IARS1: variants seen among roughly 807,000 people sequenced by gnomAD.
IARS1 encodes the protein isoleucyl-tRNA synthetase 1, also known as isoleucine--tRNA ligase, cytoplasmic.
IARS1 carries 124 observed loss-of-function variants against 168.2 expected under a neutral mutation model. The ratio of observed to expected loss-of-function variants is 0.74; its 90% CI spans 0.64 to 0.86. The LOEUF (loss-of-function observed/expected upper bound fraction) is 0.86, where lower values mean the gene tolerates loss of function less well. Ranked by LOEUF, IARS1 falls within the 40% of genes least tolerant of loss-of-function variation. IARS1 has a pLI of 0.00. For missense variants in IARS1, 1,452 were observed against 1,515.8 expected (o/e 0.96, Z 0.70); for synonymous variants, 532 against 529.4 (o/e 1.00, Z -0.07).
In IARS1 at chr9:92,260,177, G is replaced by C; in HGVS notation, c.1845C>G (p.Ile615Met). 6.2e-7 allele frequency: 1 copy of C among 1,614,046 alleles called. No homozygotes were observed. The highest frequency in any genetic ancestry group is 2.2e-5 in the East Asian group (1 of 44,878). ...KKNYPDPVSI[I>M]QKYGADALRL... ...TGAGGGCATCAGCACCATACTTCTG[G>C]ATGATGGAAACTGGATCTGGATAAT... The change falls in exon 18 of 34, where the codon ATC becomes ATG. Residue 615 changes from isoleucine (I) to methionine (M), a missense_variant. By Grantham distance (10) the Ile-to-Met change is conservative. Transcript: ENST00000443024.
chr9:92,265,581 A>C (rs1226597724), intron 14 of IARS1, 28 bp from the exon 15 acceptor site: 1 of 1,538,492 alleles, frequency 6.5e-7, no homozygotes, highest in East Asian at 2.2e-5. Context: ...CAATAGCAGG[A>C]GCTCCTTAGA....
rs117901526 is a variant in IARS1, at chr9:92,277,006, A to G, written c.894+857T>C. Among the ~76,000 whole-genome samples the G allele has an allele frequency of 4.7e-4, 72 of 152,320 alleles. No homozygotes were observed. In the East Asian group the frequency reaches 9.4e-3, roughly 20 times the overall value. On this transcript the variant is annotated intron_variant, in intron 9 of 33. Coordinates refer to ENST00000443024, the MANE Select transcript of IARS1 (RefSeq NM_002161.6). ...ACCTCCTTGAAATAAAATTGTGTTT[A>G]CCTTTCCACATGATGTTTTACTGTG...
rs749370371 is a variant in IARS1 at position 92,277,909 on chromosome 9, T to G, written c.848A>C (p.Tyr283Ser). 7 of 1,613,844 alleles carry G rather than the reference T, an allele frequency of 4.3e-6. No homozygotes were observed. Among genetic ancestry groups the G allele is most frequent in the Non-Finnish European group, 4.2e-6 (5 of 1,179,854 alleles). The change falls in exon 9 of 34, where the codon TAT (tyrosine) becomes TCT (serine). Residue 283 changes from tyrosine to serine, a missense_variant. Coordinates refer to ENST00000443024, the MANE Select transcript of IARS1 (RefSeq NM_002161.6). ...YEILERFPGAYLKGKKYRPLF... is the reference protein window; with the variant it reads ...YEILERFPGASLKGKKYRPLF... The stretch of plus-strand genomic sequence containing the variant: ...GGGCCTGTACTTCTTGCCTTTAAGA[T>G]AGGCACCAGGAAATCTAGAAAAGGA...
In IARS1 at chr9:92,263,045, G is replaced by C; in HGVS notation, c.1711C>G (p.Leu571Val). The C allele has an allele frequency of 6.2e-7, 1 of 1,613,544 alleles. No individual in the cohort carries two copies. Among genetic ancestry groups the C allele is most frequent in the Non-Finnish European group, 8.5e-7 (1 of 1,179,554 alleles). ...AAGAGGGCCGTGGCCAGCACCAGCA[G>C]GGTATAAAACCTGAAAAAAAACCCC... ...IDQTRGWFYT[L>V]LVLATALFGQ... is the part of the protein sequence containing the mutation. The change falls in exon 17 of 34, where the codon CTG becomes GTG. Residue 571 changes from leucine to valine, a missense_variant. Coordinates refer to ENST00000443024, the MANE Select transcript of IARS1 (RefSeq NM_002161.6).
At chr9:92,240,396 T>C (rs1828198864) in intron 30 of IARS1, 1 of 391,006 alleles carries the variant, frequency 2.6e-6, no homozygotes, top group Admixed American at 4.2e-5. Flanking sequence ...CCTGAGTAGC[T>C]GGGATTATAG....
At chr9:92,274,884 A>G (rs948111023) in intron 9 of IARS1, among the ~76,000 whole-genome samples, 6 of 151,960 alleles carry the variant, frequency 3.9e-5, no homozygotes, top group African/African-American at 1.4e-4. Flanking sequence ...TTCCTGGTAC[A>G]TTTTCAATCA....
chr9:92,290,629 T>C (rs10739928), intron 1 of IARS1, among the ~76,000 whole-genome samples: 60,553 of 151,958 alleles, frequency 0.4, 14,108 homozygotes, highest in African/African-American at 0.64. Context: ...AGGTTATAGA[T>C]TTTTCGCTTA....
chr9:92,266,857 C>T (rs947421993), intron 14 of IARS1, among the ~76,000 whole-genome samples: 10 of 152,232 alleles, frequency 6.6e-5, no homozygotes, highest in African/African-American at 2.4e-4. Flanking sequence ...ACTTTCCAGT[C>T]ATGCAGAATC....
chr9:92,228,529 T>C (rs143871669), intron 31 of IARS1, among the ~76,000 whole-genome samples: 1 of 152,008 alleles, frequency 6.6e-6, no homozygotes, highest in East Asian at 1.9e-4. Context: ...CTGGGCAATA[T>C]ACTGACTTGG....
chr9:92,252,055 C>T (rs1198733019), intron 21 of IARS1, among the ~76,000 whole-genome samples, 170 bp from the exon 22 acceptor site: 4 of 152,204 alleles, frequency 2.6e-5, no homozygotes, highest in African/African-American at 9.6e-5. Flanking sequence ...ACGGTCAGTG[C>T]CACCAGGGTG....
rs747772656 is a variant in IARS1 at position 92,223,396 on chromosome 9, G to T, written c.3503C>A (p.Thr1168Asn). 2.5e-6 allele frequency: 4 copies of T among 1,613,966 alleles called. No homozygotes were observed. The East Asian group carries it at 8.9e-5, about 36-fold the overall frequency. ...SAPSLINSSS[T>N]LLCQYINLQL... Reference sequence around the variant, plus strand: ...TAGGTTGATATACTGACAAAGAAGAGTACTAGAACTGTTGATCAGAGAGGG... The same window carrying T: ...TAGGTTGATATACTGACAAAGAAGATTACTAGAACTGTTGATCAGAGAGGG... Residue 1168 changes from threonine (T) to asparagine (N), a missense_variant, in exon 32 of 34, where the codon ACT (threonine) becomes AAT (asparagine). Transcript: ENST00000443024.
At chr9:92,240,527 T>C (rs1366987378) in intron 30 of IARS1, 2 of 609,218 alleles carry the variant, frequency 3.3e-6, no homozygotes, top group Non-Finnish European at 5.9e-6. Flanking sequence ...TCCAAAGTGC[T>C]GGGATTACAG....
intron 9 of IARS1, among the ~76,000 whole-genome samples, 196 bp downstream of exon 9, chr9:92,277,667 C>G (rs1246126447): frequency 8.4e-6 from 1 of 119,220 alleles, no homozygotes; most frequent in East Asian, 2.0e-4. Context: ...AGAGGAAACC[C>G]TGTTTTTAAA....
chr9:92,285,798 C>T lies in IARS1; in HGVS notation c.521G>A (p.Arg174Lys). 1.9e-6 allele frequency: 3 copies of T among 1,613,340 alleles called. No homozygotes were observed. In the East Asian group the frequency reaches 6.7e-5, roughly 36 times the overall value. ...KQLYDKGLVYRGVKVMPFSTA... is the reference protein window; with the variant it reads ...KQLYDKGLVYKGVKVMPFSTA... ...AGAGAAGGGCATGACTTTCACACCT[C>T]TATAAACAAGGCCTTTATCATAGAG... The change falls in exon 6 of 34, where the codon AGA (arginine) becomes AAA (lysine). Residue 174 changes from arginine (R) to lysine (K), a missense_variant. Transcript: ENST00000443024.
chr9:92,271,773 G>C (rs1022727566), intron 10 of IARS1, 118 bp from the exon 11 acceptor site: 21 of 1,166,364 alleles, frequency 1.8e-5, no homozygotes, highest in Admixed American at 8.2e-5. Context: ...CATCAACTTT[G>C]TCCTGTAAAC....
intron 33 of IARS1, 90 bp downstream of exon 33, chr9:92,222,430 C>T: frequency 1.2e-6 from 1 of 815,490 alleles, no homozygotes; most frequent in South Asian, 1.9e-5. Context: ...AACAATAGTA[C>T]TATCTTACAT....
Position 92,286,624 on chromosome 9 carries a change from A to G in IARS1, c.397-6T>C, listed in dbSNP as rs774628900. The stretch of plus-strand genomic sequence containing the variant: ...CCAAGTCTGCTAACAGTAGACTTTA[A>G]AATATTAATATTAGAACAGTATTAG... On this transcript the variant is annotated splice_polypyrimidine_tract_variant and splice_region_variant and intron_variant, in intron 4 of 33. Coordinates refer to ENST00000443024, the MANE Select transcript of IARS1 (RefSeq NM_002161.6). 7.0e-7 allele frequency: 1 copy of G among 1,423,718 alleles called. No homozygotes were observed. 88.2% of individuals were successfully genotyped at this position (1,423,718 alleles called of 1,614,324 possible). A position where few individuals can be genotyped will look rare whatever the true frequency, so the allele number is the denominator to read the frequency against.
chr9:92,221,553 G>A (rs1368170066), intron 33 of IARS1, among the ~76,000 whole-genome samples: 1 of 152,212 alleles, frequency 6.6e-6, no homozygotes, highest in Non-Finnish European at 1.5e-5. Context: ...CAGGATTACA[G>A]AACGAAACTC....
At chr9:92,290,510 T>C (rs1461056204) in intron 1 of IARS1, among the ~76,000 whole-genome samples, 1 of 152,216 alleles carries the variant, frequency 6.6e-6, no homozygotes, top group Non-Finnish European at 1.5e-5. Context: ...ATTTTCTTGA[T>C]GGCATTTTTT....
Sources: allele counts gnomAD v4.1 joint callset (sites outside exome capture counted in the v4.1 genomes callset), GRCh38; gene constraint gnomAD v4.1.1; transcripts MANE v1.5; gene names NCBI Gene and HGNC (gene_info 2026-07-23, HGNC 2026-07-21).